BRIX1: variants seen among roughly 807,000 people sequenced by gnomAD.
BRIX1 encodes ribosome biogenesis protein BRX1 homolog.
Under a neutral mutation model 44.0 loss-of-function variants are expected in BRIX1, and 15 were observed. The observed-to-expected ratio is 0.34, with a 90% CI of 0.23 to 0.53. BRIX1 has a LOEUF of 0.53. BRIX1 is among the 20% of genes least tolerant of loss of function. BRIX1 has a pLI of 0.95. For missense variants in BRIX1, 420 were observed against 432.8 expected (o/e 0.97, Z 0.26); for synonymous variants, 149 against 135.4 (o/e 1.10, Z -0.70).
intron 3 of BRIX1, chr5:34,921,840 G>A: frequency 6.4e-6 from 1 of 155,540 alleles, no homozygotes; most frequent in Non-Finnish European, 1.4e-5. Context: ...CTGGGAGGTG[G>A]AGGTTGCGGC....
intron 3 of BRIX1, 43 bp from the exon 4 acceptor site, chr5:34,922,174 T>C: frequency 8.8e-7 from 1 of 1,132,518 alleles, no homozygotes; most frequent in South Asian, 1.4e-5. Flanking sequence ...TTAGTTCTCA[T>C]TTATATTATC....
chr5:34,919,388 T>A (rs1415799822), intron 2 of BRIX1, among the ~76,000 whole-genome samples: 1 of 152,006 alleles, frequency 6.6e-6, no homozygotes, highest in East Asian at 1.9e-4. Context: ...GTTTTTTGTT[T>A]TTTATTTTTA....
intron 2 of BRIX1, 74 bp from the exon 3 acceptor site, chr5:34,919,766 C>A: frequency 2.0e-6 from 1 of 492,490 alleles, no homozygotes; most frequent in Non-Finnish European, 3.7e-6. Flanking sequence ...TTCTGGATAG[C>A]ATATGTGGTT....
intron 6 of BRIX1, 48 bp downstream of exon 6, chr5:34,922,816 G>C (rs781332509): frequency 6.5e-7 from 1 of 1,539,798 alleles, no homozygotes; most frequent in Non-Finnish European, 9.0e-7. Context: ...TATCTGGCAT[G>C]GTTGTTTTTA....
intron 2 of BRIX1, among the ~76,000 whole-genome samples, chr5:34,919,232 C>G (rs567914839): frequency 4.4e-4 from 63 of 141,974 alleles, no homozygotes; most frequent in Middle Eastern, 7.5e-3. Context: ...GCCGTGATTG[C>G]GCCACTACAT....
intron 9 of BRIX1, 116 bp from the exon 10 acceptor site, chr5:34,925,110 C>A: frequency 2.1e-6 from 3 of 1,440,464 alleles, no homozygotes. Context: ...GGAAATTACT[C>A]CCTTTTTTCA....
chr5:34,915,728 G>A lies in BRIX1; in HGVS notation c.-11G>A. ...CGGAAAGGAGGCCAAGAGCGCGGGC[G>A]GCGAGGCAAGATGGCGGCAACCAAG... On this transcript the variant is annotated 5_prime_UTR_variant, in exon 1 of 10. Coordinates refer to ENST00000336767, the MANE Select transcript of BRIX1 (RefSeq NM_018321.4). The A allele has an allele frequency of 6.3e-7, 1 of 1,594,640 alleles. No individual in the cohort carries two copies. Among genetic ancestry groups the A allele is most frequent in the Non-Finnish European group, 8.5e-7 (1 of 1,171,006 alleles).
At chr5:34,923,272 A>C in intron 8 of BRIX1, 38 bp downstream of exon 8, 1 of 1,407,132 alleles carries the variant, frequency 7.1e-7, no homozygotes, top group Non-Finnish European at 1.0e-6. Flanking sequence ...CCTTTTTTTT[A>C]ATTGAGTTTA....
intron 2 of BRIX1, among the ~76,000 whole-genome samples, chr5:34,919,506 T>C (rs1275490745): frequency 6.6e-6 from 1 of 152,196 alleles, no homozygotes; most frequent in African/African-American, 2.4e-5. Flanking sequence ...GATATTTTCA[T>C]TGAAACTGGT....
intron 1 of BRIX1, 153 bp downstream of exon 1, chr5:34,916,050 C>G (rs1172220370): frequency 3.4e-6 from 3 of 890,504 alleles, no homozygotes; most frequent in Non-Finnish European, 3.2e-6. Flanking sequence ...AGACTGGGCA[C>G]GGAGTTTGCA....
At position 34,918,732 on chromosome 5, in the gene BRIX1, T is replaced by G. The variant is rs562666156; in HGVS notation, c.271+257T>G. Reference sequence around the variant, plus strand: ...CATTTCTTGAAGGTCCAGGAATGCCTTCACTGTAATGCTTCTGAAGGTCCT... The same window carrying G: ...CATTTCTTGAAGGTCCAGGAATGCCGTCACTGTAATGCTTCTGAAGGTCCT... On this transcript the variant is annotated intron_variant, in intron 2 of 9. Transcript: ENST00000336767. The G allele has an allele frequency of 1.1e-3, 326 of 306,922 alleles. 1 individual carries two copies. The highest frequency in any genetic ancestry group is 6.8e-3 in the African/African-American group (312 of 46,082). The allele number at this position is 306,922 out of a possible 1,614,324, so 19.0% of individuals were successfully genotyped here.
intron 8 of BRIX1, among the ~76,000 whole-genome samples, chr5:34,924,451 A>AT (rs3836807): frequency 1.3e-3 from 194 of 152,338 alleles, no homozygotes; most frequent in East Asian, 9.8e-3. Flanking sequence ...TCTAACTTGA[A>AT]TTAGATTTAT....
In BRIX1 at chr5:34,923,225, G is replaced by A. The variant is rs375779125; in HGVS notation, c.654G>A (p.Arg218=). 6 of 1,604,482 alleles carry A rather than the reference G, an allele frequency of 3.7e-6. No homozygotes were observed. The highest frequency in any genetic ancestry group is 1.7e-5 in the Admixed American group (1 of 59,926). The part of the protein sequence containing the change: ...FTILDNRIWF[R]NFQIIEEDAA... The stretch of plus-strand genomic sequence containing the variant: ...TTTTGGATAATAGGATATGGTTTCG[G>A]AACTTTCAGGTAAGCTTTACTTGAT... The change falls in exon 8 of 10, where the codon CGG becomes CGA. Residue 218 remains arginine, a synonymous_variant. Transcript: ENST00000336767.
At chr5:34,916,035 C>T (rs149395236) in intron 1 of BRIX1, 138 bp downstream of exon 1, 183 of 994,748 alleles carry the variant, frequency 1.8e-4, no homozygotes, top group Middle Eastern at 2.7e-4. Flanking sequence ...GCAATTCTCC[C>T]GGCCAGACTG....
chr5:34,923,152 A>G lies in BRIX1; in HGVS notation c.581A>G (p.Tyr194Cys), dbSNP rs759814793. 3 of 1,613,792 alleles carry G rather than the reference A, an allele frequency of 1.9e-6. No individual in the cohort carries two copies. The highest frequency in any genetic ancestry group is 1.1e-5 in the South Asian group (1 of 91,080). Residue 194 changes from tyrosine to cysteine, a missense_variant, in exon 8 of 10, where the codon TAT (tyrosine) becomes TGT (cysteine). Transcript: ENST00000336767. ...AACTAGATCTTTAGTACACCACGGT[A>G]TCATCCCAAAAGCCAACCATTTGTG... The part of the protein sequence containing the change: ...LLIQIFSTPR[Y>C]HPKSQPFVDH...
chr5:34,921,989 T>A, intron 3 of BRIX1: 1 of 278,920 alleles, frequency 3.6e-6, no homozygotes, highest in Middle Eastern at 1.1e-3. Flanking sequence ...AAAAATATGA[T>A]AGATAATTTC....
At chr5:34,924,351 A>T (rs1764306468) in intron 8 of BRIX1, among the ~76,000 whole-genome samples, 1 of 152,228 alleles carries the variant, frequency 6.6e-6, no homozygotes, top group South Asian at 2.1e-4. Flanking sequence ...GCCTGAACTA[A>T]TAGATAACAT....
chr5:34,915,843 A>G lies in BRIX1; in HGVS notation c.105A>G (p.Thr35=), dbSNP rs2069465. 0.071 allele frequency: 111,624 copies of G among 1,568,580 alleles called. 4,518 individuals carry two copies. Among genetic ancestry groups the G allele is most frequent in the South Asian group, 0.12 (10,376 of 85,362 alleles). ...DAEPPAKRHA[T]AEEVEEEERD... ...AGCCGCCAGCTAAGCGGCACGCCAC[A>G]GCAGAGGAGGTGGAGGAAGAAGAGA... Residue 35 remains threonine, a synonymous_variant, in exon 1 of 10, where the codon ACA becomes ACG. Coordinates refer to ENST00000336767, the MANE Select transcript of BRIX1 (RefSeq NM_018321.4).
At chr5:34,916,094 G>A (rs1764076314) in intron 1 of BRIX1, 197 bp downstream of exon 1, 1 of 573,444 alleles carries the variant, frequency 1.7e-6, no homozygotes, top group Non-Finnish European at 2.8e-6. Context: ...TCTTCCTGGA[G>A]GCGGCGGGTT....
Sources: gnomAD v4.1 joint callset for allele counts (sites outside exome capture counted in the v4.1 genomes callset) on GRCh38, gnomAD v4.1.1 for gene constraint, MANE v1.5 for transcripts, NCBI Gene and HGNC (gene_info 2026-07-23, HGNC 2026-07-21) for gene names.